JAKMIP3: variants seen among roughly 807,000 people sequenced by gnomAD.
The protein encoded by JAKMIP3 is janus kinase and microtubule-interacting protein 3.
JAKMIP3 carries 58 observed loss-of-function variants against 118.5 expected under a neutral mutation model. That is an observed-to-expected ratio of 0.49 (90% CI 0.40 to 0.61). The LOEUF (loss-of-function observed/expected upper bound fraction) is 0.61. JAKMIP3 is among the 20% of genes least tolerant of loss of function. The pLI, the probability that JAKMIP3 is intolerant of heterozygous loss-of-function variation, is 0.00. For missense variants in JAKMIP3, 950 were observed against 1,109.0 expected (o/e 0.86, Z 2.04); for synonymous variants, 486 against 451.2 (o/e 1.08, Z -0.98).
In JAKMIP3 at chr10:132,049,656, C is replaced by CT. The variant is rs2038043267; in HGVS notation, c.-138+12924dup. On this transcript the variant is annotated intron_variant, in intron 1 of 23. Transcript: ENST00000657785. This position sits in a 1 kb window ranked among gnomAD's most constrained non-coding sequence, Gnocchi z 4.3. ...AGGTTTCTTCTGCCTTGTGTTTTTT[C>CT]TTTTTTAAAAGTGGGGGAGGTCTCA... is the stretch of plus-strand genomic sequence containing the variant. Among the ~76,000 whole-genome samples the CT allele has an allele frequency of 6.6e-6, 1 of 151,884 alleles. No individual in the cohort carries two copies. The highest frequency in any genetic ancestry group is 1.9e-4 in the East Asian group (1 of 5,160).
chr10:132,091,653 G>C (rs1233155808), intron 1 of JAKMIP3, among the ~76,000 whole-genome samples: 1 of 152,020 alleles, frequency 6.6e-6, no homozygotes, highest in African/African-American at 2.4e-5. Context: ...TTTATTTTGA[G>C]CCTATGTGTG....
intron 1 of JAKMIP3, 25 bp from the exon 2 acceptor site, chr10:132,104,647 C>G: frequency 1.4e-6 from 1 of 720,534 alleles, no homozygotes; most frequent in Non-Finnish European, 2.3e-6. Flanking sequence ...GGGAGCTGCT[C>G]ACCGCGGTGT....
At chr10:132,159,562 G>A (rs2057645320) in intron 19 of JAKMIP3, among the ~76,000 whole-genome samples, 1 of 110,346 alleles carries the variant, frequency 9.1e-6, no homozygotes, top group African/African-American at 3.7e-5. Context: ...GTGTGATGCT[G>A]GGGGGGCGTG....
chr10:132,125,388 G>A (rs972881320), intron 3 of JAKMIP3, among the ~76,000 whole-genome samples: 1 of 152,262 alleles, frequency 6.6e-6, no homozygotes, highest in African/African-American at 2.4e-5. Context: ...GCCCACAGAC[G>A]CGGGTCTCTT....
At chr10:132,131,828 G>A (rs1235794037) in intron 3 of JAKMIP3, among the ~76,000 whole-genome samples, 4 of 152,146 alleles carry the variant, frequency 2.6e-5, no homozygotes, top group Non-Finnish European at 4.4e-5. Context: ...TGGGACAGGA[G>A]ACAGGTGTGC....
chr10:132,081,557 C>G (rs538269871), intron 1 of JAKMIP3, among the ~76,000 whole-genome samples: 1 of 152,292 alleles, frequency 6.6e-6, no homozygotes, highest in African/African-American at 2.4e-5. Flanking sequence ...TGTTCTTATC[C>G]CAGTGCCCGC....
chr10:132,182,032 G>A (rs2061541306), intron 23 of JAKMIP3, among the ~76,000 whole-genome samples: 1 of 152,258 alleles, frequency 6.6e-6, no homozygotes, highest in African/African-American at 2.4e-5. Context: ...AGGGAAGTTG[G>A]GTAGAAACCG....
chr10:132,074,622 C>A (rs1210711071), intron 1 of JAKMIP3, among the ~76,000 whole-genome samples: 2 of 152,110 alleles, frequency 1.3e-5, no homozygotes, highest in Non-Finnish European at 2.9e-5. Context: ...TTTCTCCCAT[C>A]CTTTAGATTG....
intron 1 of JAKMIP3, among the ~76,000 whole-genome samples, chr10:132,056,828 G>A (rs67860580): frequency 0.078 from 11,819 of 152,230 alleles, 642 homozygotes; most frequent in Non-Finnish European, 0.12. Context: ...GAGGGCTCTC[G>A]CCTGGCCTGA....
chr10:132,061,280 C>G (rs1361693869), upstream of JAKMIP3, among the ~76,000 whole-genome samples: 1 of 151,700 alleles, frequency 6.6e-6, no homozygotes, highest in African/African-American at 2.4e-5. Context: ...CGCACACACA[C>G]CTGCCGTGAC....
chr10:132,180,728 T>TGTGC lies in JAKMIP3; in HGVS notation c.*1104-1628_*1104-1627insTGCG, dbSNP rs1554963331. 4.5e-4 allele frequency among the ~76,000 whole-genome samples: 9 copies of TGTGC among 19,846 alleles called. 2 individuals carry two copies. The highest frequency in any genetic ancestry group is 9.5e-4 in the African/African-American group (3 of 3,154). 13.0% of individuals were successfully genotyped at this position (19,846 alleles called of 152,430 possible). On this transcript the variant is annotated intron_variant, in intron 23 of 23. Coordinates refer to ENST00000684848, the MANE Select transcript of JAKMIP3 (RefSeq NM_001323087.2). ...GTGTGCGCGTGTGTGTGCGTGTGTG[T>TGTGC]GCGTGTGTGCGTGCGTGCGCGCGCG...
At chr10:132,076,243 A>G (rs915546441) in intron 1 of JAKMIP3, among the ~76,000 whole-genome samples, 1 of 152,074 alleles carries the variant, frequency 6.6e-6, no homozygotes, top group African/African-American at 2.4e-5. Context: ...CCTTTCACAT[A>G]AATGGAATCA....
At chr10:132,107,406 G>A (rs1012254777) in intron 2 of JAKMIP3, among the ~76,000 whole-genome samples, 5 of 152,256 alleles carry the variant, frequency 3.3e-5, no homozygotes, top group Admixed American at 6.5e-5. Flanking sequence ...TTCCAGGGCC[G>A]GCGTCTGAGG....
chr10:132,167,317 C>CCCA (rs1278990477), intron 22 of JAKMIP3, among the ~76,000 whole-genome samples: 2 of 152,236 alleles, frequency 1.3e-5, no homozygotes, highest in Non-Finnish European at 2.9e-5. Context: ...GAGCAGGGTT[C>CCCA]CCACCACCAC....
chr10:132,148,200 G>T (rs190670662), intron 14 of JAKMIP3, 150 bp downstream of exon 14: 2 of 560,386 alleles, frequency 3.6e-6, no homozygotes, highest in Admixed American at 3.3e-5. Context: ...GCAAATGGCC[G>T]TAAACCGCCA....
chr10:132,153,016 C>A lies in JAKMIP3; in HGVS notation c.2066C>A (p.Ala689Asp). ...CAAGCCAGGACAGTCCTGACCTTGG[C>A]CGAAAAGGTAACAGCAGCTGTGTGG... Reference protein sequence around the residue: ...VIQARTVLTLAEKWLQQIEET... With the variant: ...VIQARTVLTLDEKWLQQIEET... Residue 689 changes from alanine to aspartate, a missense_variant, in exon 17 of 24, where the codon GCC becomes GAC. Physicochemically the swap from Ala to Asp is moderately radical, Grantham distance 126. Coordinates refer to ENST00000684848, the MANE Select transcript of JAKMIP3 (RefSeq NM_001323087.2). The A allele has an allele frequency of 6.2e-7, 1 of 1,607,000 alleles. No individual in the cohort carries two copies. Among genetic ancestry groups the A allele is most frequent in the South Asian group, 1.1e-5 (1 of 89,414 alleles).
intron 2 of JAKMIP3, among the ~76,000 whole-genome samples, chr10:132,108,591 T>G (rs1016288669): frequency 2.7e-5 from 4 of 149,154 alleles, no homozygotes; most frequent in Non-Finnish European, 6.0e-5. Flanking sequence ...AACTCGTCCC[T>G]CCCCTGCCTC....
intron 1 of JAKMIP3, among the ~76,000 whole-genome samples, chr10:132,101,419 A>C (rs1306720953): frequency 6.6e-6 from 1 of 152,194 alleles, no homozygotes; most frequent in Non-Finnish European, 1.5e-5. Context: ...GTTAATTAGA[A>C]ATTAGCTCCT....
At chr10:132,081,926 G>A (rs1411489550) in intron 1 of JAKMIP3, among the ~76,000 whole-genome samples, 3 of 151,510 alleles carry the variant, frequency 2.0e-5, no homozygotes, top group South Asian at 2.1e-4. Context: ...CTCTGCTTTC[G>A]TGCACATAGG....
Sources: gnomAD v4.1 joint callset for allele counts (sites outside exome capture counted in the v4.1 genomes callset) on GRCh38, gnomAD v4.1.1 for gene constraint, Gnocchi (gnomAD v3.1) non-coding constraint, MANE v1.5 for transcripts, NCBI Gene and HGNC (gene_info 2026-07-23, HGNC 2026-07-21) for gene names.